Variants in NLGN1 observed in about 807,000 individuals in gnomAD.
NLGN1 encodes neuroligin-1.
Under a neutral mutation model 65.5 loss-of-function variants are expected in NLGN1, and 12 were observed. That is an observed-to-expected ratio of 0.18 (90% CI 0.12 to 0.30). The LOEUF (loss-of-function observed/expected upper bound fraction) is 0.30, where lower values mean the gene tolerates loss of function less well. NLGN1 is among the 10% of genes least tolerant of loss of function. The probability of loss-of-function intolerance (pLI) is 1.00; values close to 1 mark genes in which losing one functional copy is unlikely to be tolerated. For missense variants in NLGN1, 750 were observed against 1,007.1 expected, an observed-to-expected ratio of 0.74 and a Z score of 3.46; for synonymous variants, 350 against 359.5, an observed-to-expected ratio of 0.97 and a Z score of 0.30.
At position 173,687,005 on chromosome 3, in the gene NLGN1, G is replaced by A. The variant is rs965109102; in HGVS notation, c.493+81914G>A. Among the ~76,000 whole-genome samples the A allele has an allele frequency of 2.6e-5, 4 of 152,152 alleles. 1 individual carries two copies. Among genetic ancestry groups the A allele is most frequent in the Non-Finnish European group, 5.9e-5 (4 of 68,028 alleles). ...GAACCTCTTTTGAAATCTGAATTGT[G>A]TGTGGTATGGGAACAAGTATCCAGG... On this transcript the variant is annotated intron_variant, in intron 3 of 6. Transcript: ENST00000457714.
intron 2 of NLGN1, among the ~76,000 whole-genome samples, chr3:173,462,722 A>G (rs1723612237): frequency 6.6e-6 from 1 of 152,058 alleles, no homozygotes; most frequent in African/African-American, 2.4e-5. Context: ...TTCTGTTTCA[A>G]CTTATTTTGC....
chr3:173,698,917 C>A (rs937489430), intron 3 of NLGN1, among the ~76,000 whole-genome samples: 1 of 152,020 alleles, frequency 6.6e-6, no homozygotes. Context: ...AGTACAATGG[C>A]GTGATCTCAG....
At chr3:173,858,900 C>A (rs1728531551) in intron 4 of NLGN1, among the ~76,000 whole-genome samples, 2 of 152,210 alleles carry the variant, frequency 1.3e-5, no homozygotes, top group Admixed American at 1.3e-4. Context: ...ACCATGGAAA[C>A]CACATTGATA....
chr3:173,550,503 A>G (rs1178083007), intron 2 of NLGN1, among the ~76,000 whole-genome samples: 2 of 152,128 alleles, frequency 1.3e-5, no homozygotes, highest in African/African-American at 4.8e-5. Flanking sequence ...TTTATCTTAC[A>G]TTTCCCTTTA....
chr3:174,111,589 AG>A (rs1370171898), intron 4 of NLGN1, among the ~76,000 whole-genome samples: 1 of 151,934 alleles, frequency 6.6e-6, no homozygotes, highest in Non-Finnish European at 1.5e-5. Context: ...TAAAGTTAAA[AG>A]TTATAAGATC....
intron 4 of NLGN1, among the ~76,000 whole-genome samples, chr3:174,015,999 A>T (rs9813111): frequency 0.27 from 41,284 of 152,082 alleles, 6,834 homozygotes; most frequent in African/African-American, 0.46. Flanking sequence ...CAAAAGCAAC[A>T]TTGAAGGGAT....
chr3:173,426,116 T>A (rs886884788), intron 1 of NLGN1, among the ~76,000 whole-genome samples: 2 of 152,142 alleles, frequency 1.3e-5, no homozygotes, highest in Admixed American at 1.3e-4. Context: ...CCTTCTTGAT[T>A]TCTTACAGAT....
At chr3:174,231,654 C>A (rs1740724781) in intron 4 of NLGN1, among the ~76,000 whole-genome samples, 1 of 152,146 alleles carries the variant, frequency 6.6e-6, no homozygotes, top group African/African-American at 2.4e-5. Context: ...TGCATAGCAG[C>A]CCTTTTCCAA....
At chr3:173,637,026 C>T (rs1756703500) in intron 3 of NLGN1, among the ~76,000 whole-genome samples, 2 of 152,222 alleles carry the variant, frequency 1.3e-5, no homozygotes, top group South Asian at 4.1e-4. Context: ...ATTCTGAGAA[C>T]TTTTTGTCTC....
chr3:173,751,599 A>T (rs1323068875), intron 3 of NLGN1, among the ~76,000 whole-genome samples: 6 of 152,104 alleles, frequency 3.9e-5, no homozygotes, highest in African/African-American at 1.4e-4. Flanking sequence ...AGACAGACAG[A>T]GTAAGACAGA....
At chr3:173,492,427 A>G (rs1267847386) in intron 2 of NLGN1, among the ~76,000 whole-genome samples, 1 of 151,814 alleles carries the variant, frequency 6.6e-6, no homozygotes, top group Non-Finnish European at 1.5e-5. Context: ...CATGCACAAT[A>G]CTGCAGATAT....
intron 1 of NLGN1, among the ~76,000 whole-genome samples, chr3:173,406,924 A>G (rs1397942760): frequency 6.6e-6 from 1 of 152,088 alleles, no homozygotes; most frequent in Non-Finnish European, 1.5e-5. Context: ...CTTCTTTTTT[A>G]TTTTGGCTAG....
chr3:174,257,682 G>A (rs1397209292), intron 4 of NLGN1, among the ~76,000 whole-genome samples: 3 of 151,642 alleles, frequency 2.0e-5, no homozygotes, highest in African/African-American at 7.3e-5. Flanking sequence ...AATACATGTT[G>A]TATTAATCAG....
At chr3:173,884,730 G>A (rs1265816665) in intron 4 of NLGN1, among the ~76,000 whole-genome samples, 1 of 151,892 alleles carries the variant, frequency 6.6e-6, no homozygotes, top group Non-Finnish European at 1.5e-5. Flanking sequence ...CAATTTCTTA[G>A]TCCATTTATA....
chr3:174,106,572 A>G (rs1044326465), intron 4 of NLGN1, among the ~76,000 whole-genome samples: 1 of 152,120 alleles, frequency 6.6e-6, no homozygotes, highest in Non-Finnish European at 1.5e-5. Context: ...ATAGATCTAT[A>G]TGCAATTGTA....
At chr3:174,182,082 A>G (rs1730552364) in intron 4 of NLGN1, among the ~76,000 whole-genome samples, 1 of 151,762 alleles carries the variant, frequency 6.6e-6, no homozygotes, top group Admixed American at 6.6e-5. Context: ...TAACCCATAC[A>G]TTCTGTACTT....
intron 3 of NLGN1, among the ~76,000 whole-genome samples, chr3:173,805,719 C>T (rs1578526182): frequency 1.3e-5 from 2 of 152,078 alleles, no homozygotes; most frequent in Non-Finnish European, 2.9e-5. Flanking sequence ...TACAATTAGC[C>T]GAGTACAGTG....
chr3:173,993,998 G>A (rs572825693), intron 4 of NLGN1, among the ~76,000 whole-genome samples: 18 of 151,948 alleles, frequency 1.2e-4, no homozygotes, highest in African/African-American at 3.4e-4. Context: ...TCATATTATC[G>A]TAAGTAAATA....
rs1386653971 is a variant in NLGN1, at chr3:173,800,314, C to T, written c.494-7366C>T. The T allele has an allele frequency of 4.1e-6, 5 of 1,211,940 alleles. No homozygotes were observed. The Admixed American group carries it at 1.1e-4, about 26-fold the overall frequency. The allele number at this position is 1,211,940 out of a possible 1,614,324, so 75.1% of individuals were successfully genotyped here. ...CTAGGTCCCCTTACAAAGAAACAGA[C>T]AGATGATTTAGGTGATAATGACGGT... On this transcript the variant is annotated intron_variant, in intron 3 of 6. Transcript: ENST00000457714.
Sources: gnomAD v4.1 joint callset for allele counts (sites outside exome capture counted in the v4.1 genomes callset) on GRCh38, gnomAD v4.1.1 for gene constraint, MANE v1.5 for transcripts, NCBI Gene and HGNC (gene_info 2026-07-23, HGNC 2026-07-21) for gene names.